The following UPF1 variants were observed in gnomAD, a reference collection of about 807,000 sequenced individuals.
UPF1 encodes regulator of nonsense transcripts 1.
A neutral mutation model predicts 129.2 loss-of-function variants in UPF1; 9 were observed. That is an observed-to-expected ratio of 0.07 (90% confidence interval 0.04 to 0.12). The LOEUF (loss-of-function observed/expected upper bound fraction) is 0.12. Among genes scored for constraint, UPF1 ranks in the 10% least tolerant of loss-of-function variants. The probability of loss-of-function intolerance (pLI) is 1.00; values close to 1 mark genes in which losing one functional copy is unlikely to be tolerated. For missense variants in UPF1, 788 were observed against 1,525.3 expected (o/e 0.52, Z 8.05); for synonymous variants, 649 against 644.9 (o/e 1.01, Z -0.10).
chr19:18,865,856 C>T lies in UPF1; in HGVS notation c.3237+78C>T. On this transcript the variant is annotated intron_variant, in intron 22 of 23. Transcript: ENST00000262803. This position sits in a 1 kb window ranked among gnomAD's most constrained non-coding sequence, Gnocchi z 6.1. ...CTGAAACATTCCCTCTGAAGAGCCC[C>T]AGAGAGCTGGCCTGGCCCATGTCCA... is the stretch of plus-strand genomic sequence containing the variant. 2 of 1,593,562 alleles carry T rather than the reference C, an allele frequency of 1.3e-6. No individual in the cohort carries two copies. Among genetic ancestry groups the T allele is most frequent in the South Asian group, 1.1e-5 (1 of 90,214 alleles).
chr19:18,864,161 C>A lies in UPF1; in HGVS notation c.2776-9C>A. 1 of 1,613,722 alleles carries A rather than the reference C, an allele frequency of 6.2e-7. No individual in the cohort carries two copies. The highest frequency in any genetic ancestry group is 1.3e-5 in the African/African-American group (1 of 75,048). ...ATGACAAATTCCTCACCTATCTAAA[C>A]CTTCGCAGGGAGCCCGCTTCATGAC... On this transcript the variant is annotated splice_polypyrimidine_tract_variant and intron_variant, in intron 19 of 23. Coordinates refer to ENST00000262803, the MANE Select transcript of UPF1 (RefSeq NM_002911.4).
chr19:18,854,039 G>A (rs2055688935), intron 8 of UPF1, among the ~76,000 whole-genome samples: 1 of 152,220 alleles, frequency 6.6e-6, no homozygotes, highest in Admixed American at 6.5e-5. Flanking sequence ...CGTGAGACCG[G>A]TTTTGGGGCT....
At chr19:18,854,827 C>T (rs775559935) in intron 9 of UPF1, 52 bp from the exon 10 acceptor site, 45 of 1,608,226 alleles carry the variant, frequency 2.8e-5, no homozygotes, top group African/African-American at 1.1e-4. Flanking sequence ...CTCAGGATGT[C>T]GGAGAGGCGG....
At chr19:18,842,705 A>T (rs2055554200) in intron 1 of UPF1, among the ~76,000 whole-genome samples, 1 of 151,862 alleles carries the variant, frequency 6.6e-6, no homozygotes, top group African/African-American at 2.4e-5. Context: ...TAATTAAAAA[A>T]AATTTGGGGG....
intron 6 of UPF1, among the ~76,000 whole-genome samples, chr19:18,852,670 C>G (rs1025073733): frequency 6.7e-5 from 10 of 149,834 alleles, no homozygotes; most frequent in Non-Finnish European, 1.5e-4. Flanking sequence ...TCCCTCCCTC[C>G]CCTCCTCTTT....
chr19:18,860,520 C>A, intron 16 of UPF1, 82 bp downstream of exon 16: 1 of 1,402,948 alleles, frequency 7.1e-7, no homozygotes, highest in Non-Finnish European at 1.0e-6. Context: ...TTATTTTTAA[C>A]ATGGGACTGA....
At chr19:18,840,242 A>G (rs1354611627) in intron 1 of UPF1, among the ~76,000 whole-genome samples, 1 of 152,108 alleles carries the variant, frequency 6.6e-6, no homozygotes, top group Non-Finnish European at 1.5e-5. Flanking sequence ...GTGTGTATGC[A>G]TGAGTAAGTG....
chr19:18,852,080 C>T (rs913799221), intron 5 of UPF1, 55 bp from the exon 6 acceptor site: 1 of 1,531,210 alleles, frequency 6.5e-7, no homozygotes. Flanking sequence ...CGCCCTCGTT[C>T]ATTTGCATGT....
intron 2 of UPF1, 108 bp from the exon 3 acceptor site, chr19:18,847,636 T>A (rs779316295): frequency 2.6e-5 from 27 of 1,026,226 alleles, no homozygotes; most frequent in Non-Finnish European, 3.9e-5. Context: ...GAGTATGTGT[T>A]TAATGAAGAA....
At chr19:18,861,722 T>C (rs746409498) in intron 17 of UPF1, among the ~76,000 whole-genome samples, 3 of 152,084 alleles carry the variant, frequency 2.0e-5, no homozygotes, top group Non-Finnish European at 4.4e-5. Flanking sequence ...TCCCAGCTAC[T>C]CAGGAGACTG....
chr19:18,845,784 G>A (rs577689121), intron 1 of UPF1, among the ~76,000 whole-genome samples, 196 bp from the exon 2 acceptor site: 9 of 152,100 alleles, frequency 5.9e-5, no homozygotes, highest in African/African-American at 2.2e-4. Context: ...GGACCGGGGG[G>A]TGTAGAAGGC....
chr19:18,858,328 G>A (rs551442900), intron 15 of UPF1, among the ~76,000 whole-genome samples: 5 of 152,294 alleles, frequency 3.3e-5, no homozygotes, highest in East Asian at 1.9e-4. Context: ...CTTGCCATGA[G>A]CTTGGTGTCT....
rs538718710 is a variant in UPF1, at chr19:18,847,530, C to A, written c.372-214C>A. On this transcript the variant is annotated intron_variant, in intron 2 of 23. Transcript: ENST00000262803. ...CTTGGAGGTGGCTTTGCTCCTTATC[C>A]CCTCGGAGCTTCTGCCACATACCCC... Among the ~76,000 whole-genome samples the A allele has an allele frequency of 1.1e-4, 16 of 152,304 alleles. No individual in the cohort carries two copies. The South Asian group carries it at 2.5e-3, about 24-fold the overall frequency.
At chr19:18,837,473 G>T (rs1017491081) in intron 1 of UPF1, among the ~76,000 whole-genome samples, 3 of 152,200 alleles carry the variant, frequency 2.0e-5, no homozygotes, top group Non-Finnish European at 4.4e-5. Context: ...TGCGCCAAAT[G>T]CTGACAGCAT....
At position 18,832,243 on chromosome 19, in the gene UPF1, A is replaced by T. The variant is rs765050501; in HGVS notation, c.34A>T (p.Thr12Ser). 6.5e-7 allele frequency: 1 copy of T among 1,549,374 alleles called. No homozygotes were observed. The highest frequency in any genetic ancestry group is 8.7e-7 in the Non-Finnish European group (1 of 1,147,806). ...SVEAYGPSSQ[T>S]LTFLDTEEAE... ...GGAGGCGTACGGGCCCAGCTCGCAG[A>T]CTCTCACTTTCCTGGACACGGAGGA... The change falls in exon 1 of 24, where the codon ACT (threonine) becomes TCT (serine). Residue 12 changes from threonine (T) to serine (S), a missense_variant. Physicochemically the swap from Thr to Ser is moderately conservative, Grantham distance 58 (BLOSUM62 1). This residue lies in a region of UPF1 where 112 missense variants were observed against 128.2 expected (regional missense o/e 0.87). Transcript: ENST00000262803. The surrounding 1 kb of genome is among the most constrained non-coding windows in gnomAD (Gnocchi z 5.6).
rs1356894841 is a variant in UPF1 at position 18,865,087 on chromosome 19, C to T, written c.2858-202C>T. Among the ~76,000 whole-genome samples, 1 of 152,222 alleles carries T rather than the reference C, an allele frequency of 6.6e-6. No homozygotes were observed. The highest frequency in any genetic ancestry group is 6.5e-5 in the Admixed American group (1 of 15,288). On this transcript the variant is annotated intron_variant, in intron 20 of 23. Transcript: ENST00000262803. The surrounding 1 kb of genome is among the most constrained non-coding windows in gnomAD (Gnocchi z 6.1). ...AGGCCAATGATTCCCAGCAGACTCT[C>T]CTCGGGGAAGGTGCCTGCCCAAGCA...
At chr19:18,833,215 C>CA (rs2145926722) in intron 1 of UPF1, 1 of 152,316 alleles carries the variant, frequency 6.6e-6, no homozygotes, top group Non-Finnish European at 1.5e-5. Context: ...AAGGTTGAGG[C>CA]AGAGAAGAAT....
Position 18,836,384 on chromosome 19 carries a change from A to G in UPF1, c.231+3944A>G, listed in dbSNP as rs1226709616. On this transcript the variant is annotated intron_variant, in intron 1 of 23. Transcript: ENST00000262803. ...GCTCAGTATTAAGAAGGAACAAACTATTGATACCTGCAACAACATGGATGT... is the reference window on the plus strand; with the variant it reads ...GCTCAGTATTAAGAAGGAACAAACTGTTGATACCTGCAACAACATGGATGT... 2.6e-5 allele frequency among the ~76,000 whole-genome samples: 4 copies of G among 152,214 alleles called. No homozygotes were observed. In the East Asian group the frequency reaches 7.7e-4, roughly 29 times the overall value.
At chr19:18,843,695 G>A (rs538025658) in intron 1 of UPF1, among the ~76,000 whole-genome samples, 4 of 150,472 alleles carry the variant, frequency 2.7e-5, no homozygotes, top group African/African-American at 7.4e-5. Context: ...GTAGAGATGG[G>A]GTTTTGCCAT....
Sources: gnomAD v4.1 joint callset for allele counts (sites outside exome capture counted in the v4.1 genomes callset) on GRCh38, gnomAD v4.1.1 for gene constraint, gnomAD v4.1.1 regional missense constraint, Gnocchi (gnomAD v3.1) non-coding constraint, MANE v1.5 for transcripts, NCBI Gene and HGNC (gene_info 2026-07-23, HGNC 2026-07-21) for gene names.